Variants in LRTM2 observed in about 807,000 individuals in gnomAD.
LRTM2 encodes leucine rich repeat transmembrane protein 2, also known as leucine-rich repeat and transmembrane domain-containing protein 2.
LRTM2 carries 18 observed loss-of-function variants against 28.1 expected under a neutral mutation model. The observed-to-expected ratio is 0.64, with a 90% CI of 0.44 to 0.95. The LOEUF is 0.95. Among genes scored for constraint, LRTM2 ranks in the 40% least tolerant of loss-of-function variants. LRTM2 has a pLI of 0.00. For missense variants in LRTM2, 436 were observed against 497.2 expected, an observed-to-expected ratio of 0.88 and a Z score of 1.17; for synonymous variants, 250 against 218.7, an observed-to-expected ratio of 1.14 and a Z score of -1.26.
chr12:1,828,965 C>T lies in LRTM2; in HGVS notation c.67+750C>T, dbSNP rs890797237. On this transcript the variant is annotated intron_variant, in intron 3 of 4. Transcript: ENST00000299194. This position sits in a 1 kb window ranked among gnomAD's most constrained non-coding sequence, Gnocchi z 4.2. ...CGGTGGCAGGGAGGAAACGGTCCCG[C>T]GGGACGGCATTCCGCCTGACTTCCC... 1.6e-4 allele frequency among the ~76,000 whole-genome samples: 25 copies of T among 152,314 alleles called. No homozygotes were observed. Among genetic ancestry groups the T allele is most frequent in the Middle Eastern group, 3.4e-3 (1 of 294 alleles).
chr12:1,828,234 T>C lies in LRTM2; in HGVS notation c.67+19T>C, dbSNP rs183265683. 8.1e-3 allele frequency: 12,351 copies of C among 1,518,888 alleles called. 125 individuals carry two copies. The highest frequency in any genetic ancestry group is 0.045 in the African/African-American group (3,043 of 67,406). 94.1% of individuals were successfully genotyped at this position (1,518,888 alleles called of 1,614,324 possible). A position where few individuals can be genotyped will look rare whatever the true frequency, so the allele number is the denominator to read the frequency against. On this transcript the variant is annotated intron_variant, in intron 3 of 4. Transcript: ENST00000299194. The surrounding 1 kb of genome is among the most constrained non-coding windows in gnomAD (Gnocchi z 4.2). ...GTCTCCTGTGAGTACACCCCTGGCC[T>C]CGGAGGGGGGTGCGGGTTGGGTGGG...
In LRTM2 at chr12:1,836,649, G is replaced by T. The variant is rs905230564; in HGVS notation, c.*1928G>T. On this transcript the variant is annotated 3_prime_UTR_variant, in exon 5 of 5. Transcript: ENST00000299194. ...GGGACTGGGGGGAGGGGAGGGCATT[G>T]TCAATGGTGGTATCTTTAGCCTGAG... 2 of 152,500 alleles carry T rather than the reference G, an allele frequency of 1.3e-5. No homozygotes were observed. The highest frequency in any genetic ancestry group is 6.5e-5 in the Admixed American group (1 of 15,276). The allele number at this position is 152,500 out of a possible 1,614,324, so 9.4% of individuals were successfully genotyped here.
chr12:1,823,690 C>T, intron 1 of LRTM2, among the ~76,000 whole-genome samples: 1 of 152,170 alleles, frequency 6.6e-6, no homozygotes, highest in Admixed American at 6.5e-5. Flanking sequence ...CCCAGGACTT[C>T]AAGAAGAGAG....
At chr12:1,823,047 C>T (rs1031555272) in intron 1 of LRTM2, among the ~76,000 whole-genome samples, 15 of 152,160 alleles carry the variant, frequency 9.9e-5, no homozygotes, top group Admixed American at 7.2e-4. Context: ...GCAAATGCCC[C>T]CTTTACCCCT....
chr12:1,824,336 C>G (rs921715152), intron 1 of LRTM2, among the ~76,000 whole-genome samples: 2 of 152,208 alleles, frequency 1.3e-5, no homozygotes, highest in South Asian at 2.1e-4. Context: ...ACAAGGCTCC[C>G]AAGCTAGACC....
chr12:1,825,956 G>T (rs1176061392), intron 1 of LRTM2, among the ~76,000 whole-genome samples: 1 of 152,214 alleles, frequency 6.6e-6, no homozygotes, highest in African/African-American at 2.4e-5. Context: ...TGTGCTGAAG[G>T]TCAGGGCTCG....
chr12:1,824,839 T>G (rs904778395), intron 1 of LRTM2, among the ~76,000 whole-genome samples: 1 of 152,050 alleles, frequency 6.6e-6, no homozygotes, highest in African/African-American at 2.4e-5. Flanking sequence ...CAGCCCCACC[T>G]CTCTCTAGGA....
chr12:1,831,745 C>G (rs564516475), intron 4 of LRTM2, among the ~76,000 whole-genome samples: 56 of 149,362 alleles, frequency 3.7e-4, no homozygotes, highest in African/African-American at 1.0e-3. Context: ...GCTGCTCCCT[C>G]CACCCCCACC....
At position 1,829,785 on chromosome 12, in the gene LRTM2, CT is replaced by C. The variant is rs1423567450; in HGVS notation, c.68-1149del. On this transcript the variant is annotated intron_variant, in intron 3 of 4. Transcript: ENST00000299194. This position sits in a 1 kb window ranked among gnomAD's most constrained non-coding sequence, Gnocchi z 4.2. ...GGGTCTGAACTTCTCCATCAGTTCT[CT>C]GGCTGGGGTCTTTTCTCTAGGCTGG... is the stretch of plus-strand genomic sequence containing the variant. Among the ~76,000 whole-genome samples the C allele has an allele frequency of 1.2e-4, 18 of 151,570 alleles. No homozygotes were observed. The highest frequency in any genetic ancestry group is 5.9e-5 in the Non-Finnish European group (4 of 67,846).
At chr12:1,831,583 A>G (rs1864633566) in intron 4 of LRTM2, 58 bp downstream of exon 4, 1 of 1,418,922 alleles carries the variant, frequency 7.0e-7, no homozygotes, top group African/African-American at 1.4e-5. Context: ...CTCTGGCCCC[A>G]CACTTTCCTC....
chr12:1,828,248 G>T lies in LRTM2; in HGVS notation c.67+33G>T, dbSNP rs747041293. ...CACCCCTGGCCTCGGAGGGGGGTGCGGGTTGGGTGGGGGTGCCGAGGTGAC... is the reference window on the plus strand; with the variant it reads ...CACCCCTGGCCTCGGAGGGGGGTGCTGGTTGGGTGGGGGTGCCGAGGTGAC... On this transcript the variant is annotated intron_variant, in intron 3 of 4. Transcript: ENST00000299194. The surrounding 1 kb of genome is among the most constrained non-coding windows in gnomAD (Gnocchi z 4.2). 2 of 1,518,044 alleles carry T rather than the reference G, an allele frequency of 1.3e-6. No homozygotes were observed. The highest frequency in any genetic ancestry group is 1.4e-5 in the African/African-American group (1 of 71,864). The allele number at this position is 1,518,044 out of a possible 1,614,324, so 94.0% of individuals were successfully genotyped here. A position where few individuals can be genotyped will look rare whatever the true frequency, so the allele number is the denominator to read the frequency against.
chr12:1,831,382 G>C lies in LRTM2; in HGVS notation c.515G>C (p.Arg172Pro). 1 of 1,613,874 alleles carries C rather than the reference G, an allele frequency of 6.2e-7. No individual in the cohort carries two copies. Among genetic ancestry groups the C allele is most frequent in the Non-Finnish European group, 8.5e-7 (1 of 1,180,018 alleles). ...GLLALRSLSL[R>P]SNRLQNLDRL... ...CTGGCTCTGCGCTCCCTCTCGCTTC[G>C]CTCCAACCGTCTGCAGAATCTGGAC... is the stretch of plus-strand genomic sequence containing the variant. The change falls in exon 4 of 5, where the codon CGC becomes CCC. Residue 172 changes from arginine to proline, a missense_variant. Arg to Pro is a moderately radical substitution (Grantham distance 103). Coordinates refer to ENST00000299194, the MANE Select transcript of LRTM2 (RefSeq NM_001039029.3).
At chr12:1,830,892 C>A in intron 3 of LRTM2, 43 bp from the exon 4 acceptor site, 1 of 1,492,620 alleles carries the variant, frequency 6.7e-7, no homozygotes, top group Non-Finnish European at 9.1e-7. Flanking sequence ...AGGTGGTGAC[C>A]CGTCCTATTG....
Position 1,834,263 on chromosome 12 carries a change from G to T in LRTM2, c.659-4G>T, listed in dbSNP as rs755158078. ...CAGCCCCTCTTTTTCTCTTCTGCATGTAGGGGGACGCTTGGACCAGCTTGC... is the reference window on the plus strand; with the variant it reads ...CAGCCCCTCTTTTTCTCTTCTGCATTTAGGGGGACGCTTGGACCAGCTTGC... On this transcript the variant is annotated splice_polypyrimidine_tract_variant and splice_region_variant and intron_variant, in intron 4 of 4. Coordinates refer to ENST00000299194, the MANE Select transcript of LRTM2 (RefSeq NM_001039029.3). The surrounding 1 kb of genome is among the most constrained non-coding windows in gnomAD (Gnocchi z 7.6). The T allele has an allele frequency of 3.2e-6, 5 of 1,557,874 alleles. No individual in the cohort carries two copies. Among genetic ancestry groups the T allele is most frequent in the Non-Finnish European group, 4.3e-6 (5 of 1,149,580 alleles).
chr12:1,834,097 T>A lies in LRTM2; in HGVS notation c.659-170T>A, dbSNP rs1194194837. ...CTCACTGTGGACTTGGCTCAATCAATGCTGTTTTCCCTCCTCCGCTTCCTC... is the reference window on the plus strand; with the variant it reads ...CTCACTGTGGACTTGGCTCAATCAAAGCTGTTTTCCCTCCTCCGCTTCCTC... On this transcript the variant is annotated intron_variant, in intron 4 of 4. Coordinates refer to ENST00000299194, the MANE Select transcript of LRTM2 (RefSeq NM_001039029.3). The surrounding 1 kb of genome is among the most constrained non-coding windows in gnomAD (Gnocchi z 7.6). Among the ~76,000 whole-genome samples, 1 of 152,248 alleles carries A rather than the reference T, an allele frequency of 6.6e-6. No individual in the cohort carries two copies. Among genetic ancestry groups the A allele is most frequent in the Non-Finnish European group, 1.5e-5 (1 of 68,036 alleles).
chr12:1,826,966 T>A (rs188264251), intron 1 of LRTM2, among the ~76,000 whole-genome samples: 3 of 152,178 alleles, frequency 2.0e-5, no homozygotes, highest in African/African-American at 7.2e-5. Context: ...CAGAATTCCA[T>A]AGGCCCATGG....
At position 1,829,886 on chromosome 12, in the gene LRTM2, G is replaced by A. The variant is rs569051156; in HGVS notation, c.68-1049G>A. ...ATTCTTCCCAGTTCTCTTTCACGAT[G>A]AGCAGGCTTCTCTGCTACTCAGGAG... On this transcript the variant is annotated intron_variant, in intron 3 of 4. Transcript: ENST00000299194. The surrounding 1 kb of genome is among the most constrained non-coding windows in gnomAD (Gnocchi z 4.2). Among the ~76,000 whole-genome samples, 67 of 152,240 alleles carry A rather than the reference G, an allele frequency of 4.4e-4. No individual in the cohort carries two copies. Among genetic ancestry groups the A allele is most frequent in the Admixed American group, 6.5e-4 (10 of 15,300 alleles).
chr12:1,822,919 C>T (rs1471035034), intron 1 of LRTM2, among the ~76,000 whole-genome samples: 1 of 152,208 alleles, frequency 6.6e-6, no homozygotes, highest in Non-Finnish European at 1.5e-5. Context: ...CGGGCTCCCT[C>T]TCAGCCTTCC....
At chr12:1,825,657 T>A (rs919401080) in intron 1 of LRTM2, among the ~76,000 whole-genome samples, 1 of 152,174 alleles carries the variant, frequency 6.6e-6, no homozygotes, top group Non-Finnish European at 1.5e-5. Flanking sequence ...GCTGCACAGC[T>A]CTCTGTGGGT....
Sources: allele counts gnomAD v4.1 joint callset (sites outside exome capture counted in the v4.1 genomes callset), GRCh38; gene constraint gnomAD v4.1.1; non-coding constraint Gnocchi (gnomAD v3.1); transcripts MANE v1.5; gene names NCBI Gene and HGNC (gene_info 2026-07-23, HGNC 2026-07-21).